Variants in SLC2A4 observed in about 807,000 individuals in gnomAD.
The protein encoded by SLC2A4 is solute carrier family 2 member 4.
A neutral mutation model predicts 53.3 loss-of-function variants in SLC2A4; 31 were observed. The observed-to-expected ratio is 0.58, with a 90% confidence interval of 0.44 to 0.78. SLC2A4 has a LOEUF of 0.78. Among genes scored for constraint, SLC2A4 ranks in the 30% least tolerant of loss-of-function variants. The pLI is 0.00. For missense variants in SLC2A4, 538 were observed against 655.7 expected (o/e 0.82, Z 1.96); for synonymous variants, 276 against 281.9 (o/e 0.98, Z 0.21).
Position 7,286,610 on chromosome 17 carries a change from G to C in SLC2A4, c.1511G>C (p.Gly504Ala), listed in dbSNP as rs1208751626. The change falls in exon 11 of 11, where the codon GGG (glycine) becomes GCG (alanine). Residue 504 changes from glycine (G) to alanine (A), a missense_variant. Gly to Ala is a moderately conservative substitution (Grantham distance 60). Transcript: ENST00000317370. Reference protein sequence around the residue: ...VKPSTELEYLGPDEND With the variant: ...VKPSTELEYLAPDEND ...CCCAGCACAGAACTTGAGTATTTAG[G>C]GCCAGATGAGAACGACTGAGGGGCC... 6.2e-7 allele frequency: 1 copy of C among 1,614,140 alleles called. No homozygotes were observed. Among genetic ancestry groups the C allele is most frequent in the South Asian group, 1.1e-5 (1 of 91,076 alleles).
At position 7,284,681 on chromosome 17, in the gene SLC2A4, G is replaced by A; in HGVS notation, c.915+9G>A. ...TCTCTGGCATCAATGCTGTATGTGT[G>A]GAGCAGCCTCCAGGCAGGGCACAGC... On this transcript the variant is annotated intron_variant, in intron 7 of 10. Transcript: ENST00000317370. The surrounding 1 kb of genome is among the most constrained non-coding windows in gnomAD (Gnocchi z 7.5). 6.2e-7 allele frequency: 1 copy of A among 1,613,782 alleles called. No homozygotes were observed. The highest frequency in any genetic ancestry group is 1.1e-5 in the South Asian group (1 of 91,052).
intron 10 of SLC2A4, chr17:7,286,155 T>C: frequency 4.9e-6 from 3 of 615,820 alleles, no homozygotes; most frequent in South Asian, 3.9e-5. Context: ...ATGATACACT[T>C]TGCATTAATA....
rs1203556733 is a variant in SLC2A4 at position 7,287,133 on chromosome 17, T to A, written c.*504T>A. On this transcript the variant is annotated 3_prime_UTR_variant, in exon 11 of 11. Coordinates refer to ENST00000317370, the MANE Select transcript of SLC2A4 (RefSeq NM_001042.3). The stretch of plus-strand genomic sequence containing the variant: ...CAAAGGGGTTTTTTTTTTTTTTTTT[T>A]TTTTTTTTTTTGAGACAGTCTCGCT... The A allele has an allele frequency of 6.3e-6, 1 of 158,658 alleles. No individual in the cohort carries two copies. The highest frequency in any genetic ancestry group is 1.3e-5 in the Non-Finnish European group (1 of 74,218). The allele number at this position is 158,658 out of a possible 1,614,324, so 9.8% of individuals were successfully genotyped here.
Position 7,285,883 on chromosome 17 carries a change from T to A in SLC2A4, c.1301T>A (p.Ile434Asn). 2 of 1,614,008 alleles carry A rather than the reference T, an allele frequency of 1.2e-6. No individual in the cohort carries two copies. Among genetic ancestry groups the A allele is most frequent in the Non-Finnish European group, 1.7e-6 (2 of 1,179,882 alleles). ...GFSNWTSNFI[I>N]GMGFQYVAEA... is the part of the protein sequence containing the mutation. ...TCCAACTGGACGAGCAACTTCATCA[T>A]TGGCATGGGTTTCCAGTATGTTGCG... The change falls in exon 10 of 11, where the codon ATT becomes AAT. Residue 434 changes from isoleucine to asparagine, a missense_variant. Coordinates refer to ENST00000317370, the MANE Select transcript of SLC2A4 (RefSeq NM_001042.3). This position sits in a 1 kb window ranked among gnomAD's most constrained non-coding sequence, Gnocchi z 6.0.
Position 7,285,067 on chromosome 17 carries a change from A to G in SLC2A4, c.1021-21A>G. ...TTCCCGTGCCCAAAAGGCTGGGGTC[A>G]AGCTCCGACTCTCCCCGCAGGTGTT... On this transcript the variant is annotated intron_variant, in intron 8 of 10. Coordinates refer to ENST00000317370, the MANE Select transcript of SLC2A4 (RefSeq NM_001042.3). This position sits in a 1 kb window ranked among gnomAD's most constrained non-coding sequence, Gnocchi z 6.0. The G allele has an allele frequency of 6.2e-7, 1 of 1,608,308 alleles. No individual in the cohort carries two copies. The highest frequency in any genetic ancestry group is 8.5e-7 in the Non-Finnish European group (1 of 1,177,908).
chr17:7,285,655 G>A lies in SLC2A4; in HGVS notation c.1123-50G>A. 1.3e-6 allele frequency: 2 copies of A among 1,572,978 alleles called. No individual in the cohort carries two copies. Among genetic ancestry groups the A allele is most frequent in the Non-Finnish European group, 1.7e-6 (2 of 1,142,860 alleles). On this transcript the variant is annotated intron_variant, in intron 9 of 10. Transcript: ENST00000317370. This position sits in a 1 kb window ranked among gnomAD's most constrained non-coding sequence, Gnocchi z 6.0. ...CTTCTCTGAGTTGAGGGCAAGGGAA[G>A]ATCAGAAAGGCCTCAACTGGATTCT...
chr17:7,285,007 C>T lies in SLC2A4; in HGVS notation c.1020+68C>T. On this transcript the variant is annotated intron_variant, in intron 8 of 10. Coordinates refer to ENST00000317370, the MANE Select transcript of SLC2A4 (RefSeq NM_001042.3). This position sits in a 1 kb window ranked among gnomAD's most constrained non-coding sequence, Gnocchi z 6.0. The stretch of plus-strand genomic sequence containing the variant: ...CTCCCTGGGTGTCCCGGAGGTCCTG[C>T]TCTTGGTTGCCCTCACCCACGCGGC... 1 of 1,614,008 alleles carries T rather than the reference C, an allele frequency of 6.2e-7. No homozygotes were observed.
In SLC2A4 at chr17:7,284,622, A is replaced by T; in HGVS notation, c.865A>T (p.Ile289Phe). 6.2e-7 allele frequency: 1 copy of T among 1,614,162 alleles called. No individual in the cohort carries two copies. The highest frequency in any genetic ancestry group is 8.5e-7 in the Non-Finnish European group (1 of 1,180,038). ...LGSRTHRQPL[I>F]IAVVLQLSQQ... ...CAGCCGTACCCACCGGCAGCCCCTG[A>T]TCATTGCGGTCGTGCTGCAGCTGAG... Residue 289 changes from isoleucine to phenylalanine, a missense_variant, in exon 7 of 11, where the codon ATC becomes TTC. Physicochemically the swap from Ile to Phe is conservative, Grantham distance 21. Transcript: ENST00000317370. This position sits in a 1 kb window ranked among gnomAD's most constrained non-coding sequence, Gnocchi z 7.5.
In SLC2A4 at chr17:7,284,922, G is replaced by A; in HGVS notation, c.1003G>A (p.Val335Ile). ...ATIGAGVVNT[V>I]FTLVSVLLVE... is the part of the protein sequence containing the mutation. ...CATAGGAGCTGGTGTGGTCAACACA[G>A]TCTTCACCTTGGTCTCGGTAACTGC... Residue 335 changes from valine to isoleucine, a missense_variant, in exon 8 of 11, where the codon GTC (valine) becomes ATC (isoleucine). By Grantham distance (29) the Val-to-Ile change is conservative. Coordinates refer to ENST00000317370, the MANE Select transcript of SLC2A4 (RefSeq NM_001042.3). The surrounding 1 kb of genome is among the most constrained non-coding windows in gnomAD (Gnocchi z 7.5). The A allele has an allele frequency of 3.7e-6, 6 of 1,614,242 alleles. No homozygotes were observed. Among genetic ancestry groups the A allele is most frequent in the Non-Finnish European group, 5.1e-6 (6 of 1,180,034 alleles).
Position 7,284,398 on chromosome 17 carries a change from G to T in SLC2A4, c.727+19G>T. 1 of 1,614,094 alleles carries T rather than the reference G, an allele frequency of 6.2e-7. No homozygotes were observed. Among genetic ancestry groups the T allele is most frequent in the Non-Finnish European group, 8.5e-7 (1 of 1,180,004 alleles). ...AGAAAGAGTAAGCTCTCCCGCTGCAGCCTGGCCCAGGCCCATGCCTCCGCC... is the reference window on the plus strand; with the variant it reads ...AGAAAGAGTAAGCTCTCCCGCTGCATCCTGGCCCAGGCCCATGCCTCCGCC... On this transcript the variant is annotated intron_variant, in intron 6 of 10. Coordinates refer to ENST00000317370, the MANE Select transcript of SLC2A4 (RefSeq NM_001042.3). This position sits in a 1 kb window ranked among gnomAD's most constrained non-coding sequence, Gnocchi z 7.5.
rs199947223 is a variant in SLC2A4 at position 7,284,716 on chromosome 17, G to A, written c.915+44G>A. The A allele has an allele frequency of 6.2e-6, 10 of 1,611,478 alleles. No homozygotes were observed. In the Admixed American group the frequency reaches 6.7e-5, roughly 11 times the overall value. On this transcript the variant is annotated intron_variant, in intron 7 of 10. Coordinates refer to ENST00000317370, the MANE Select transcript of SLC2A4 (RefSeq NM_001042.3). This position sits in a 1 kb window ranked among gnomAD's most constrained non-coding sequence, Gnocchi z 7.5. ...CCAGGCAGGGCACAGCCCCGGGAGG[G>A]TAGACGAGAGTGGGGAGCAAACCCC...
At position 7,286,517 on chromosome 17, in the gene SLC2A4, G is replaced by A. The variant is rs2072451557; in HGVS notation, c.1418G>A (p.Gly473Asp). The A allele has an allele frequency of 1.2e-6, 2 of 1,614,174 alleles. No individual in the cohort carries two copies. Among genetic ancestry groups the A allele is most frequent in the East Asian group, 4.5e-5 (2 of 44,888 alleles). ...TTCTTAAGAGTACCTGAAACTCGAG[G>A]CCGGACGTTTGACCAGATCTCAGCT... The part of the protein sequence containing the change: ...FTFLRVPETR[G>D]RTFDQISAAF... Residue 473 changes from glycine to aspartate, a missense_variant, in exon 11 of 11, where the codon GGC (glycine) becomes GAC (aspartate). By Grantham distance (94) the Gly-to-Asp change is moderately conservative (BLOSUM62 -1). Transcript: ENST00000317370.
In SLC2A4 at chr17:7,283,337, T is replaced by G. The variant is rs1277048692; in HGVS notation, c.126T>G (p.Ile42Met). Reference sequence around the variant, plus strand: ...GCTCCCTGCAGTTTGGGTACAACATTGGGGTCATCAATGCCCCTCAGAAGG... The same window carrying G: ...GCTCCCTGCAGTTTGGGTACAACATGGGGGTCATCAATGCCCCTCAGAAGG... ...VLGSLQFGYN[I>M]GVINAPQKVI... Residue 42 changes from isoleucine to methionine, a missense_variant, in exon 2 of 11, where the codon ATT (isoleucine) becomes ATG (methionine). By Grantham distance (10) the Ile-to-Met change is conservative. Transcript: ENST00000317370. The surrounding 1 kb of genome is among the most constrained non-coding windows in gnomAD (Gnocchi z 5.8). The G allele has an allele frequency of 6.2e-7, 1 of 1,613,866 alleles. No individual in the cohort carries two copies. Among genetic ancestry groups the G allele is most frequent in the African/African-American group, 1.3e-5 (1 of 74,868 alleles).
In SLC2A4 at chr17:7,281,987, G is replaced by T. The variant is rs762487054; in HGVS notation, c.33+20G>T. On this transcript the variant is annotated intron_variant, in intron 1 of 10. Coordinates refer to ENST00000317370, the MANE Select transcript of SLC2A4 (RefSeq NM_001042.3). ...TCCGAAGTAGGATTCATCATGAGGG[G>T]GCGGGGCGGGGGGGCACGGGTCCCG... 13 of 1,564,540 alleles carry T rather than the reference G, an allele frequency of 8.3e-6. No homozygotes were observed. In the Admixed American group the frequency reaches 2.2e-4, roughly 26 times the overall value.
chr17:7,284,997 G>C lies in SLC2A4; in HGVS notation c.1020+58G>C. The C allele has an allele frequency of 6.2e-7, 1 of 1,614,092 alleles. No individual in the cohort carries two copies. The stretch of plus-strand genomic sequence containing the variant: ...CTGGCTTCACCTCCCTGGGTGTCCC[G>C]GAGGTCCTGCTCTTGGTTGCCCTCA... On this transcript the variant is annotated intron_variant, in intron 8 of 10. Transcript: ENST00000317370. This position sits in a 1 kb window ranked among gnomAD's most constrained non-coding sequence, Gnocchi z 7.5.
At position 7,282,069 on chromosome 17, in the gene SLC2A4, G is replaced by A. The variant is rs1428315911; in HGVS notation, c.33+102G>A. On this transcript the variant is annotated intron_variant, in intron 1 of 10. Coordinates refer to ENST00000317370, the MANE Select transcript of SLC2A4 (RefSeq NM_001042.3). This position sits in a 1 kb window ranked among gnomAD's most constrained non-coding sequence, Gnocchi z 4.1. Reference sequence around the variant, plus strand: ...AGCTGGGGGTGGTTCCTGCGCAGGCGCAGGGGGTGAAGGTAGGGGGCTGGC... The same window carrying A: ...AGCTGGGGGTGGTTCCTGCGCAGGCACAGGGGGTGAAGGTAGGGGGCTGGC... The A allele has an allele frequency of 1.0e-6, 1 of 985,688 alleles. No homozygotes were observed. The highest frequency in any genetic ancestry group is 1.6e-6 in the Non-Finnish European group (1 of 632,920). The allele number at this position is 985,688 out of a possible 1,614,324, so 61.1% of individuals were successfully genotyped here. A position where few individuals can be genotyped will look rare whatever the true frequency, so the allele number is the denominator to read the frequency against.
Position 7,282,174 on chromosome 17 carries a change from C to T in SLC2A4, c.33+207C>T, listed in dbSNP as rs1180345606. 3.2e-6 allele frequency: 2 copies of T among 632,842 alleles called. No homozygotes were observed. The highest frequency in any genetic ancestry group is 2.9e-6 in the Non-Finnish European group (1 of 348,332). 39.2% of individuals were successfully genotyped at this position (632,842 alleles called of 1,614,324 possible). A position where few individuals can be genotyped will look rare whatever the true frequency, so the allele number is the denominator to read the frequency against. The stretch of plus-strand genomic sequence containing the variant: ...GGCAGAGTGGGTCTGGAGGGCCTTT[C>T]GGGGCACAGGCAGCAAGTGGATTCT... On this transcript the variant is annotated intron_variant, in intron 1 of 10. Transcript: ENST00000317370. This position sits in a 1 kb window ranked among gnomAD's most constrained non-coding sequence, Gnocchi z 4.1.
chr17:7,284,157 C>A lies in SLC2A4; in HGVS notation c.565-60C>A, dbSNP rs1323048951. On this transcript the variant is annotated intron_variant, in intron 5 of 10. Transcript: ENST00000317370. The surrounding 1 kb of genome is among the most constrained non-coding windows in gnomAD (Gnocchi z 7.5). ...GTGGGGCTCTGGAGAATATGGTGGG[C>A]TTCCAAGGTAAGGCAGAAGGGCTGA... is the stretch of plus-strand genomic sequence containing the variant. The A allele has an allele frequency of 1.4e-5, 23 of 1,610,282 alleles. No individual in the cohort carries two copies. Among genetic ancestry groups the A allele is most frequent in the Non-Finnish European group, 1.9e-5 (22 of 1,178,230 alleles).
chr17:7,281,831 C>T lies in SLC2A4; in HGVS notation c.-104C>T. 4 of 1,242,072 alleles carry T rather than the reference C, an allele frequency of 3.2e-6. No individual in the cohort carries two copies. Among genetic ancestry groups the T allele is most frequent in the Non-Finnish European group, 3.5e-6 (3 of 866,190 alleles). The allele number at this position is 1,242,072 out of a possible 1,614,324, so 76.9% of individuals were successfully genotyped here. On this transcript the variant is annotated 5_prime_UTR_variant, in exon 1 of 11. Coordinates refer to ENST00000317370, the MANE Select transcript of SLC2A4 (RefSeq NM_001042.3). The stretch of plus-strand genomic sequence containing the variant: ...CCGCCCTCGCACGTCACTCCGGGAC[C>T]CCCGCGGCCTCCGCAGGTTCTGCGC...
Sources: gnomAD v4.1 joint callset for allele counts on GRCh38, gnomAD v4.1.1 for gene constraint, Gnocchi (gnomAD v3.1) non-coding constraint, MANE v1.5 for transcripts, NCBI Gene and HGNC (gene_info 2026-07-23, HGNC 2026-07-21) for gene names.